The following WWC2 variants were observed in gnomAD, a reference collection of about 807,000 sequenced individuals.
WWC2 encodes WW and C2 domain containing 2.
A neutral mutation model predicts 138.5 loss-of-function variants in WWC2; 101 were observed. The observed-to-expected ratio is 0.73, with a 90% confidence interval of 0.62 to 0.86. WWC2 has a LOEUF of 0.86. Ranked by LOEUF, WWC2 falls within the 40% of genes least tolerant of loss-of-function variation. The probability of loss-of-function intolerance (pLI) is 0.00; values close to 1 mark genes in which losing one functional copy is unlikely to be tolerated. For missense variants in WWC2, 1,420 were observed against 1,419.4 expected (o/e 1.00, Z -0.01); for synonymous variants, 558 against 538.4 (o/e 1.04, Z -0.50).
chr4:183,164,486 A>T (rs1426040850), intron 1 of WWC2, among the ~76,000 whole-genome samples: 1 of 149,998 alleles, frequency 6.7e-6, no homozygotes, highest in African/African-American at 2.4e-5. Flanking sequence ...TTAGGAGTTG[A>T]TCTTCAAAAG....
At position 183,155,638 on chromosome 4, in the gene WWC2, T is replaced by A. The variant is rs578218656; in HGVS notation, c.132-37961T>A. On this transcript the variant is annotated intron_variant, in intron 1 of 22. Coordinates refer to ENST00000403733, the MANE Select transcript of WWC2 (RefSeq NM_024949.6). ...GTGCTGGTATTGGAATGAGATTATG[T>A]TAAGAGTCACTCCATTATTCTCCCT... Among the ~76,000 whole-genome samples, 55 of 152,148 alleles carry A rather than the reference T, an allele frequency of 3.6e-4. 1 individual carries two copies. The South Asian group carries it at 0.011, about 32-fold the overall frequency.
intron 4 of WWC2, among the ~76,000 whole-genome samples, chr4:183,209,330 C>G (rs554060563): frequency 6.6e-6 from 1 of 152,282 alleles, no homozygotes; most frequent in Admixed American, 6.5e-5. Flanking sequence ...TGGGTTCAAG[C>G]AATTCTCCCG....
At chr4:183,108,563 A>C (rs546618200) in intron 1 of WWC2, among the ~76,000 whole-genome samples, 4 of 152,246 alleles carry the variant, frequency 2.6e-5, no homozygotes, top group South Asian at 4.2e-4. Flanking sequence ...TGGAAAAAGG[A>C]CATTAGGTGA....
intron 4 of WWC2, among the ~76,000 whole-genome samples, chr4:183,230,815 T>C (rs1736221974): frequency 6.6e-6 from 1 of 151,574 alleles, no homozygotes; most frequent in African/African-American, 2.4e-5. Flanking sequence ...AATGAGCAAA[T>C]AAAAAAGTAC....
intron 4 of WWC2, among the ~76,000 whole-genome samples, chr4:183,210,252 A>G (rs1735559382): frequency 6.6e-6 from 1 of 152,142 alleles, no homozygotes; most frequent in African/African-American, 2.4e-5. Flanking sequence ...AGAGAATAAA[A>G]CAGTGGTTAC....
In WWC2 at chr4:183,150,849, C is replaced by T. The variant is rs547392571; in HGVS notation, c.132-42750C>T. 9.9e-5 allele frequency among the ~76,000 whole-genome samples: 15 copies of T among 152,222 alleles called. No homozygotes were observed. In the East Asian group the frequency reaches 2.7e-3, roughly 28 times the overall value. ...TGATGGTTTCCAGCTTCATCCGTGT[C>T]GCTACAAAGGACACGAACTCATCCT... On this transcript the variant is annotated intron_variant, in intron 1 of 22. Coordinates refer to ENST00000403733, the MANE Select transcript of WWC2 (RefSeq NM_024949.6).
Position 183,230,272 on chromosome 4 carries a change from T to G in WWC2, c.523-9911T>G, listed in dbSNP as rs77029950. Reference sequence around the variant, plus strand: ...TATAGAATGAATGTTGGAGAAAAACTTAAAGCTTTAAATGCTTGTACTAGA... The same window carrying G: ...TATAGAATGAATGTTGGAGAAAAACGTAAAGCTTTAAATGCTTGTACTAGA... On this transcript the variant is annotated intron_variant, in intron 4 of 22. Coordinates refer to ENST00000403733, the MANE Select transcript of WWC2 (RefSeq NM_024949.6). Among the ~76,000 whole-genome samples the G allele has an allele frequency of 3.9e-5, 6 of 152,148 alleles. No individual in the cohort carries two copies. The East Asian group carries it at 1.2e-3, about 29-fold the overall frequency.
At chr4:183,278,586 G>A (rs1259418622) in intron 16 of WWC2, among the ~76,000 whole-genome samples, 2 of 151,664 alleles carry the variant, frequency 1.3e-5, no homozygotes, top group Non-Finnish European at 3.0e-5. Context: ...CCATTTTCAC[G>A]ATATTGATTC....
intron 9 of WWC2, among the ~76,000 whole-genome samples, chr4:183,256,608 C>G (rs965055654): frequency 3.3e-5 from 5 of 152,226 alleles, no homozygotes; most frequent in African/African-American, 1.2e-4. Context: ...CTGGCTGGAG[C>G]TTCTTTTGGG....
At chr4:183,216,269 T>C (rs948683068) in intron 4 of WWC2, among the ~76,000 whole-genome samples, 3 of 152,332 alleles carry the variant, frequency 2.0e-5, no homozygotes, top group African/African-American at 7.2e-5. Context: ...GACATAATAC[T>C]CTCAGCTTCT....
In WWC2 at chr4:183,319,843, A is replaced by G. The variant is rs928152435; in HGVS notation, c.*4114A>G. On this transcript the variant is annotated 3_prime_UTR_variant, in exon 23 of 23. Coordinates refer to ENST00000403733, the MANE Select transcript of WWC2 (RefSeq NM_024949.6). ...AGGGCTGTGACTCCCGAGGCCCAGG[A>G]CAGAATTCCTCCCAGGATCAGCAGT... 4.3e-6 allele frequency: 7 copies of G among 1,613,960 alleles called. No individual in the cohort carries two copies. The South Asian group carries it at 5.5e-5, about 13-fold the overall frequency.
intron 1 of WWC2, among the ~76,000 whole-genome samples, chr4:183,134,508 C>T (rs1450957984): frequency 1.3e-5 from 2 of 151,764 alleles, no homozygotes; most frequent in Non-Finnish European, 2.9e-5. Context: ...TTTCTTTTAC[C>T]CCTAACTATT....
chr4:183,145,158 T>G (rs1733415781), intron 1 of WWC2, among the ~76,000 whole-genome samples: 1 of 152,218 alleles, frequency 6.6e-6, no homozygotes, highest in Non-Finnish European at 1.5e-5. Context: ...TTACTGACTT[T>G]GTAGCCCTGT....
intron 16 of WWC2, among the ~76,000 whole-genome samples, chr4:183,274,984 A>G (rs1012210572): frequency 6.6e-6 from 1 of 152,160 alleles, no homozygotes; most frequent in Non-Finnish European, 1.5e-5. Flanking sequence ...TGTTAATTAC[A>G]GTCACCTTAC....
At chr4:183,193,478 G>T in intron 1 of WWC2, 121 bp from the exon 2 acceptor site, 1 of 817,962 alleles carries the variant, frequency 1.2e-6, no homozygotes, top group Non-Finnish European at 1.9e-6. Flanking sequence ...TTTTATCCTT[G>T]GTTTTTTTTT....
At chr4:183,268,844 C>A (rs1218420712) in intron 14 of WWC2, 127 bp from the exon 15 acceptor site, 5 of 1,057,124 alleles carry the variant, frequency 4.7e-6, no homozygotes, top group Non-Finnish European at 6.9e-6. Context: ...ATGGCAGCAA[C>A]ACTTTAGATT....
chr4:183,130,081 C>G (rs1189406599), intron 1 of WWC2, among the ~76,000 whole-genome samples: 1 of 143,938 alleles, frequency 6.9e-6, no homozygotes, highest in Non-Finnish European at 1.5e-5. Flanking sequence ...TTGAGACAGT[C>G]TTGCTCTGTC....
intron 11 of WWC2, among the ~76,000 whole-genome samples, chr4:183,263,786 C>T (rs1055861837): frequency 6.6e-6 from 1 of 152,152 alleles, no homozygotes; most frequent in African/African-American, 2.4e-5. Context: ...GAATTATCTT[C>T]AAGTCACCAG....
chr4:183,124,911 A>T (rs1732714655), intron 1 of WWC2, among the ~76,000 whole-genome samples: 1 of 152,206 alleles, frequency 6.6e-6, no homozygotes, highest in African/African-American at 2.4e-5. Context: ...ATGGTAGCTC[A>T]GACTCCTCCA....
Sources: gnomAD v4.1 joint callset for allele counts (sites outside exome capture counted in the v4.1 genomes callset) on GRCh38, gnomAD v4.1.1 for gene constraint, MANE v1.5 for transcripts, NCBI Gene and HGNC (gene_info 2026-07-23, HGNC 2026-07-21) for gene names.